PDSS2: variants seen among roughly 807,000 people sequenced by gnomAD.
The protein encoded by PDSS2 is decaprenyl diphosphate synthase subunit 2, also known as all trans-polyprenyl-diphosphate synthase PDSS2.
In PDSS2, 31 loss-of-function variants were observed where a neutral mutation model predicts 44.5. The ratio of observed to expected loss-of-function variants is 0.70; its 90% CI spans 0.52 to 0.94. The LOEUF (loss-of-function observed/expected upper bound fraction) is 0.94, where lower values mean the gene tolerates loss of function less well. Ranked by LOEUF, PDSS2 falls within the 40% of genes least tolerant of loss-of-function variation. The pLI is 0.00. For synonymous variants in PDSS2, 157 were observed against 180.3 expected (o/e 0.87, Z 1.03); for missense variants, 452 against 482.2 (o/e 0.94, Z 0.59).
At chr6:107,401,854 G>T (rs896734102) in intron 1 of PDSS2, among the ~76,000 whole-genome samples, 1 of 151,848 alleles carries the variant, frequency 6.6e-6, no homozygotes, top group African/African-American at 2.4e-5. Context: ...AAAAAAAAAA[G>T]GAATGAACAG....
At chr6:107,394,985 C>G (rs961661786) in intron 1 of PDSS2, among the ~76,000 whole-genome samples, 1 of 152,074 alleles carries the variant, frequency 6.6e-6, no homozygotes, top group Non-Finnish European at 1.5e-5. Context: ...TACTGGTGAT[C>G]TGTTTGTGAT....
intron 6 of PDSS2, among the ~76,000 whole-genome samples, chr6:107,196,621 C>G (rs528595174): frequency 6.6e-6 from 1 of 152,302 alleles, no homozygotes; most frequent in East Asian, 1.9e-4. Flanking sequence ...TGGTCATAGT[C>G]CAGTTTTCTG....
At chr6:107,268,439 T>C (rs1294875599) in intron 3 of PDSS2, among the ~76,000 whole-genome samples, 3 of 152,138 alleles carry the variant, frequency 2.0e-5, no homozygotes, top group Admixed American at 1.3e-4. Context: ...TTTTATTATA[T>C]TGGTGGACTC....
rs1164014672 is a variant in PDSS2 at position 107,208,285 on chromosome 6, C to CTTTT, written c.1008+2150_1008+2153dup. Among the ~76,000 whole-genome samples, 203 of 53,292 alleles carry CTTTT rather than the reference C, an allele frequency of 3.8e-3. 15 individuals are homozygous for CTTTT. Among genetic ancestry groups the CTTTT allele is most frequent in the South Asian group, 0.014 (11 of 800 alleles). 35.0% of individuals were successfully genotyped at this position (53,292 alleles called of 152,430 possible). On this transcript the variant is annotated intron_variant, in intron 6 of 7. Transcript: ENST00000369037. Reference sequence around the variant, plus strand: ...ACAGGTGTAAGCCACCATGCCTGGCCTTTTTTTTTTTTTTTTTTTTTTTTT... The same window carrying CTTTT: ...ACAGGTGTAAGCCACCATGCCTGGCCTTTTTTTTTTTTTTTTTTTTTTTTTTTTT...
rs1554244894 is a variant in PDSS2, at chr6:107,153,548, G to GA, written c.*1070dup. The GA allele has an allele frequency of 4.6e-5, 7 of 151,858 alleles. No homozygotes were observed. The South Asian group carries it at 1.5e-3, about 32-fold the overall frequency. The allele number at this position is 151,858 out of a possible 1,614,324, so 9.4% of individuals were successfully genotyped here. ...TATTACAAATGAATACATTTCACTTGAAAAAAAGCTCCTTTTTCCTTAAAG... is the reference window on the plus strand; with the variant it reads ...TATTACAAATGAATACATTTCACTTGAAAAAAAAGCTCCTTTTTCCTTAAAG... On this transcript the variant is annotated 3_prime_UTR_variant, in exon 8 of 8. Coordinates refer to ENST00000369037, the MANE Select transcript of PDSS2 (RefSeq NM_020381.4).
intron 7 of PDSS2, among the ~76,000 whole-genome samples, chr6:107,159,014 C>G (rs990556750): frequency 8.5e-5 from 13 of 152,148 alleles, no homozygotes; most frequent in African/African-American, 1.2e-4. Context: ...CAGGCGTGAG[C>G]CACTGCGCCC....
intron 1 of PDSS2, among the ~76,000 whole-genome samples, chr6:107,429,901 A>AAAAAAATATATATAT (rs1166637352): frequency 2.5e-4 from 8 of 31,832 alleles, no homozygotes; most frequent in East Asian, 2.1e-3. Flanking sequence ...AAAAAAAAAA[A>AAAAAAATATATATAT]ATATATATAT....
At chr6:107,363,529 T>C (rs1320826252) in intron 1 of PDSS2, among the ~76,000 whole-genome samples, 1 of 152,066 alleles carries the variant, frequency 6.6e-6, no homozygotes, top group Non-Finnish European at 1.5e-5. Flanking sequence ...CTCGCTGGCT[T>C]CAGGAGTGAA....
chr6:107,399,107 C>T (rs562702312), intron 1 of PDSS2, among the ~76,000 whole-genome samples: 15 of 152,198 alleles, frequency 9.9e-5, no homozygotes, highest in Non-Finnish European at 1.8e-4. Flanking sequence ...GTAATAGTAA[C>T]TCATTTAATT....
intron 2 of PDSS2, among the ~76,000 whole-genome samples, chr6:107,306,344 G>C (rs533146210): frequency 6.6e-6 from 1 of 152,094 alleles, no homozygotes; most frequent in Non-Finnish European, 1.5e-5. Flanking sequence ...TGAAAAATGG[G>C]AGTCTCTCTG....
At chr6:107,241,083 T>C (rs1451616046) in intron 4 of PDSS2, among the ~76,000 whole-genome samples, 1 of 151,692 alleles carries the variant, frequency 6.6e-6, no homozygotes. Flanking sequence ...ACCTCGTCTC[T>C]ACTGAAAATA....
intron 4 of PDSS2, among the ~76,000 whole-genome samples, chr6:107,235,280 G>A (rs943605939): frequency 1.3e-5 from 2 of 152,182 alleles, no homozygotes; most frequent in Non-Finnish European, 2.9e-5. Context: ...CTTCGGCTGA[G>A]TATTGCCAAT....
intron 4 of PDSS2, among the ~76,000 whole-genome samples, chr6:107,233,374 T>G (rs1374588985): frequency 6.6e-6 from 1 of 152,202 alleles, no homozygotes; most frequent in Non-Finnish European, 1.5e-5. Context: ...TATTGCTTTG[T>G]TTTGAATGTT....
intron 1 of PDSS2, 56 bp from the exon 2 acceptor site, chr6:107,334,388 A>G: frequency 6.7e-7 from 1 of 1,485,316 alleles, no homozygotes; most frequent in East Asian, 2.3e-5. Context: ...ATCATCAGAT[A>G]ACTTAGAAAA....
chr6:107,416,987 G>A (rs1484158157), intron 1 of PDSS2, among the ~76,000 whole-genome samples: 1 of 152,148 alleles, frequency 6.6e-6, no homozygotes, highest in Non-Finnish European at 1.5e-5. Context: ...CTAGCACTTT[G>A]GGAGGTGGAG....
rs542569423 is a variant in PDSS2 at position 107,432,498 on chromosome 6, A to G, written c.296+26492T>C. 2.0e-5 allele frequency among the ~76,000 whole-genome samples: 3 copies of G among 152,316 alleles called. No homozygotes were observed. The East Asian group carries it at 5.8e-4, about 29-fold the overall frequency. ...TTTCTTTGGGTAGTGAACATTCAAAATCCTCTCTTTGGCCAGGTACGGTGG... is the reference window on the plus strand; with the variant it reads ...TTTCTTTGGGTAGTGAACATTCAAAGTCCTCTCTTTGGCCAGGTACGGTGG... On this transcript the variant is annotated intron_variant, in intron 1 of 7. Coordinates refer to ENST00000369037, the MANE Select transcript of PDSS2 (RefSeq NM_020381.4).
chr6:107,296,537 C>A (rs147168771), intron 2 of PDSS2, among the ~76,000 whole-genome samples: 1 of 152,044 alleles, frequency 6.6e-6, no homozygotes, highest in African/African-American at 2.4e-5. Flanking sequence ...ACCAGCCTGG[C>A]CAATATAGTG....
chr6:107,370,599 A>C (rs1458937195), intron 1 of PDSS2, among the ~76,000 whole-genome samples: 1 of 152,252 alleles, frequency 6.6e-6, no homozygotes, highest in Non-Finnish European at 1.5e-5. Context: ...AAGATAAGGA[A>C]GTGCATATTA....
chr6:107,315,978 A>G (rs1777185843), intron 2 of PDSS2, among the ~76,000 whole-genome samples: 1 of 152,204 alleles, frequency 6.6e-6, no homozygotes. Context: ...AACATCTTGA[A>G]GTTGGATTGA....
Sources: gnomAD v4.1 joint callset for allele counts (sites outside exome capture counted in the v4.1 genomes callset) on GRCh38, gnomAD v4.1.1 for gene constraint, MANE v1.5 for transcripts, NCBI Gene and HGNC (gene_info 2026-07-23, HGNC 2026-07-21) for gene names.